SYT1: variants seen among roughly 807,000 people sequenced by gnomAD.
The protein encoded by SYT1 is synaptotagmin 1.
Under a neutral mutation model 44.8 loss-of-function variants are expected in SYT1, and 8 were observed. That is an observed-to-expected ratio of 0.18 (90% CI 0.10 to 0.32). The LOEUF is 0.32. SYT1 is among the 10% of genes least tolerant of loss of function. The probability of loss-of-function intolerance (pLI) is 1.00; values close to 1 mark genes in which losing one functional copy is unlikely to be tolerated. For missense variants in SYT1, 286 were observed against 509.3 expected, an observed-to-expected ratio of 0.56 and a Z score of 4.22; for synonymous variants, 154 against 188.8, an observed-to-expected ratio of 0.82 and a Z score of 1.51.
chr12:79,238,121 T>G (rs1876293662), intron 4 of SYT1, among the ~76,000 whole-genome samples: 1 of 151,456 alleles, frequency 6.6e-6, no homozygotes, highest in African/African-American at 2.4e-5. Flanking sequence ...GAGGTTGGTG[T>G]GATTGCTTGG....
At chr12:78,919,925 A>T (rs1268140873) in intron 1 of SYT1, among the ~76,000 whole-genome samples, 1 of 151,992 alleles carries the variant, frequency 6.6e-6, no homozygotes, top group Non-Finnish European at 1.5e-5. Context: ...ATACAAATAC[A>T]TTGTCCTAGT....
At chr12:79,295,952 T>G in intron 6 of SYT1, 117 bp from the exon 7 acceptor site, 2 of 1,176,346 alleles carry the variant, frequency 1.7e-6, no homozygotes, top group Non-Finnish European at 2.3e-6. Flanking sequence ...AATCAGAGTT[T>G]TATTAAAAAT....
intron 9 of SYT1, among the ~76,000 whole-genome samples, chr12:79,371,994 T>C (rs985996506): frequency 3.9e-5 from 6 of 152,220 alleles, no homozygotes; most frequent in Admixed American, 3.3e-4. Flanking sequence ...TTTCTTCAAC[T>C]GTGTTCTGTA....
At chr12:78,891,310 C>T (rs1192551280) in intron 1 of SYT1, among the ~76,000 whole-genome samples, 1 of 151,816 alleles carries the variant, frequency 6.6e-6, no homozygotes, top group Non-Finnish European at 1.5e-5. Context: ...CCACATTTTG[C>T]AGATAAGAAA....
chr12:79,014,785 A>G (rs1871689910), intron 2 of SYT1, among the ~76,000 whole-genome samples: 1 of 152,112 alleles, frequency 6.6e-6, no homozygotes, highest in South Asian at 2.1e-4. Context: ...GGCACTATTC[A>G]CAATAGCAAA....
intron 3 of SYT1, among the ~76,000 whole-genome samples, chr12:79,060,999 A>C (rs1177363434): frequency 6.6e-6 from 1 of 152,072 alleles, no homozygotes; most frequent in Non-Finnish European, 1.5e-5. Flanking sequence ...ATCTGTTTTG[A>C]TACATTGACT....
intron 3 of SYT1, among the ~76,000 whole-genome samples, chr12:79,060,773 A>G (rs1875324138): frequency 6.6e-6 from 1 of 152,090 alleles, no homozygotes; most frequent in Non-Finnish European, 1.5e-5. Context: ...CTTTGATGGA[A>G]AGATAAGATG....
chr12:79,062,751 C>G (rs907909962), intron 3 of SYT1, among the ~76,000 whole-genome samples: 3 of 152,148 alleles, frequency 2.0e-5, no homozygotes, highest in African/African-American at 7.2e-5. Context: ...AGAATCACTT[C>G]TGTGAGATTT....
At chr12:79,198,532 T>C (rs1290417063) in intron 3 of SYT1, among the ~76,000 whole-genome samples, 1 of 151,398 alleles carries the variant, frequency 6.6e-6, no homozygotes, top group Non-Finnish European at 1.5e-5. Context: ...AAGTATTTTA[T>C]TGATATAAGT....
intron 3 of SYT1, among the ~76,000 whole-genome samples, chr12:79,087,220 G>A (rs527402599): frequency 1.3e-5 from 2 of 152,218 alleles, no homozygotes; most frequent in East Asian, 1.9e-4. Flanking sequence ...GTTATTCTGT[G>A]ACTTTCATTG....
At chr12:79,319,108 A>G (rs1028556311) in intron 8 of SYT1, among the ~76,000 whole-genome samples, 25 of 152,224 alleles carry the variant, frequency 1.6e-4, no homozygotes, top group Non-Finnish European at 4.4e-5. Context: ...GCCATGTTTG[A>G]AGATGACATA....
chr12:79,279,696 G>C (rs1233765171), intron 4 of SYT1, among the ~76,000 whole-genome samples: 1 of 151,972 alleles, frequency 6.6e-6, no homozygotes, highest in East Asian at 1.9e-4. Context: ...ATCCACATTG[G>C]AAAAGAGGAT....
At chr12:79,260,731 C>A (rs1877784296) in intron 4 of SYT1, among the ~76,000 whole-genome samples, 1 of 151,972 alleles carries the variant, frequency 6.6e-6, no homozygotes, top group African/African-American at 2.4e-5. Flanking sequence ...ATTAGGAATT[C>A]TTCCATTTAC....
intron 2 of SYT1, among the ~76,000 whole-genome samples, chr12:79,010,314 A>G (rs1054458565): frequency 2.0e-5 from 3 of 152,092 alleles, no homozygotes; most frequent in African/African-American, 7.2e-5. Context: ...AAAGGTGGGG[A>G]ATGTCTCACA....
intron 4 of SYT1, among the ~76,000 whole-genome samples, chr12:79,251,151 T>C (rs1228054622): frequency 1.3e-5 from 2 of 152,202 alleles, no homozygotes; most frequent in Admixed American, 1.3e-4. Context: ...TACTCAGCTA[T>C]AGACTAATCA....
chr12:79,281,689 G>A (rs1879060299), intron 4 of SYT1, among the ~76,000 whole-genome samples: 2 of 152,056 alleles, frequency 1.3e-5, no homozygotes, highest in South Asian at 4.1e-4. Context: ...TGAAAAGACA[G>A]CAGAAAATAC....
At chr12:78,893,321 A>G (rs1875157991) in intron 1 of SYT1, among the ~76,000 whole-genome samples, 1 of 151,834 alleles carries the variant, frequency 6.6e-6, no homozygotes, top group African/African-American at 2.4e-5. Context: ...ATCTAGATGG[A>G]TCATTATTAA....
intron 3 of SYT1, among the ~76,000 whole-genome samples, chr12:79,117,044 T>C (rs1483947446): frequency 6.6e-6 from 1 of 152,206 alleles, no homozygotes; most frequent in African/African-American, 2.4e-5. Context: ...TTTTCTGAAC[T>C]AAAGTTAAAT....
intron 1 of SYT1, among the ~76,000 whole-genome samples, chr12:78,913,763 A>G (rs911993146): frequency 2.6e-5 from 4 of 151,920 alleles, no homozygotes; most frequent in African/African-American, 9.7e-5. Flanking sequence ...ACTAATAGTA[A>G]TTACAGTCTA....
Sources: gnomAD v4.1 joint callset for allele counts (sites outside exome capture counted in the v4.1 genomes callset) on GRCh38, gnomAD v4.1.1 for gene constraint, MANE v1.5 for transcripts, NCBI Gene and HGNC (gene_info 2026-07-23, HGNC 2026-07-21) for gene names.